IFT57: variants seen among roughly 807,000 people sequenced by gnomAD.
IFT57 encodes intraflagellar transport protein 57 homolog.
A neutral mutation model predicts 56.8 loss-of-function variants in IFT57; 59 were observed. That is an observed-to-expected ratio of 1.04 (90% confidence interval 0.84 to 1.29). The LOEUF is 1.29. Among genes scored for constraint, IFT57 ranks in the 50% most tolerant of loss-of-function variants. IFT57 has a pLI of 0.00. For synonymous variants in IFT57, 209 were observed against 186.1 expected (o/e 1.12, Z -1.00); for missense variants, 470 against 522.1 (o/e 0.90, Z 0.97).
chr3:108,217,821 T>C (rs1030865785), intron 3 of IFT57, among the ~76,000 whole-genome samples: 6 of 151,744 alleles, frequency 4.0e-5, no homozygotes, highest in Non-Finnish European at 7.4e-5. Flanking sequence ...AGCATAAAAT[T>C]TATGTTTTCT....
At chr3:108,194,512 A>C (rs1286811194) in intron 5 of IFT57, among the ~76,000 whole-genome samples, 1 of 152,192 alleles carries the variant, frequency 6.6e-6, no homozygotes, top group African/African-American at 2.4e-5. Flanking sequence ...AAGGAACTAC[A>C]AAAGACCCAG....
At chr3:108,184,134 T>C (rs761742191) in intron 6 of IFT57, among the ~76,000 whole-genome samples, 1 of 152,172 alleles carries the variant, frequency 6.6e-6, no homozygotes, top group Non-Finnish European at 1.5e-5. Context: ...CCATACTCAT[T>C]AGGTCATAAC....
At chr3:108,210,332 C>CCTTTTTT (rs1199933591) in intron 4 of IFT57, among the ~76,000 whole-genome samples, 6 of 108,022 alleles carry the variant, frequency 5.6e-5, no homozygotes, top group Non-Finnish European at 1.1e-4. Context: ...CAGAAATAAT[C>CCTTTTTT]TTTTTTTTTT....
intron 5 of IFT57, among the ~76,000 whole-genome samples, chr3:108,204,644 C>A (rs1576045978): frequency 6.6e-6 from 1 of 152,300 alleles, no homozygotes; most frequent in African/African-American, 2.4e-5. Flanking sequence ...AGCACTCGGT[C>A]ATCATCATCT....
chr3:108,193,772 T>A (rs1340463351), intron 5 of IFT57, among the ~76,000 whole-genome samples: 1 of 152,050 alleles, frequency 6.6e-6, no homozygotes, highest in Non-Finnish European at 1.5e-5. Flanking sequence ...CCTAAAGCAA[T>A]AGGGAAGGTT....
At position 108,183,253 on chromosome 3, in the gene IFT57, C is replaced by G. The variant is rs544657485; in HGVS notation, c.777+8268G>C. 3.9e-5 allele frequency among the ~76,000 whole-genome samples: 6 copies of G among 152,146 alleles called. No homozygotes were observed. In the East Asian group the frequency reaches 1.2e-3, roughly 29 times the overall value. ...ATTGATGACTTTAGAAGCCACTTTC[C>G]TTTGGGTCAATACATGAAGTTGAGA... On this transcript the variant is annotated intron_variant, in intron 6 of 10. Transcript: ENST00000264538.
intron 6 of IFT57, among the ~76,000 whole-genome samples, chr3:108,168,850 T>A (rs1241785051): frequency 6.6e-6 from 1 of 152,116 alleles, no homozygotes; most frequent in East Asian, 1.9e-4. Flanking sequence ...CTGCATGGTA[T>A]TCCACAGTGT....
At chr3:108,177,188 A>T (rs150163064) in intron 6 of IFT57, among the ~76,000 whole-genome samples, 120 of 151,986 alleles carry the variant, frequency 7.9e-4, no homozygotes, top group Non-Finnish European at 1.3e-3. Flanking sequence ...AATAAAAATG[A>T]ATTGAAAACA....
At chr3:108,183,421 C>G (rs1162997290) in intron 6 of IFT57, among the ~76,000 whole-genome samples, 1 of 152,160 alleles carries the variant, frequency 6.6e-6, no homozygotes, top group African/African-American at 2.4e-5. Context: ...TAATCAATGA[C>G]TGCTGGCTTC....
At chr3:108,166,741 G>T in intron 8 of IFT57, 113 bp downstream of exon 8, 2 of 856,618 alleles carry the variant, frequency 2.3e-6, no homozygotes, top group Non-Finnish European at 3.4e-6. Flanking sequence ...GAAAATTGAT[G>T]TTTTGCTGTT....
intron 4 of IFT57, among the ~76,000 whole-genome samples, chr3:108,210,330 A>ATTTTTTT (rs1560125468): frequency 1.3e-4 from 14 of 105,526 alleles, no homozygotes; most frequent in East Asian, 2.2e-4. Flanking sequence ...GTCAGAAATA[A>ATTTTTTT]TCTTTTTTTT....
chr3:108,217,801 C>A (rs2080381120), intron 3 of IFT57, among the ~76,000 whole-genome samples: 1 of 150,836 alleles, frequency 6.6e-6, no homozygotes, highest in Non-Finnish European at 1.5e-5. Context: ...TTAGTAATCC[C>A]AAACTGCAAA....
intron 6 of IFT57, among the ~76,000 whole-genome samples, chr3:108,190,242 T>G (rs1232289079): frequency 6.6e-6 from 1 of 152,190 alleles, no homozygotes; most frequent in Non-Finnish European, 1.5e-5. Flanking sequence ...TTTGGGGGAC[T>G]GTCAGGAAGG....
chr3:108,196,979 T>C (rs1351769750), intron 5 of IFT57, among the ~76,000 whole-genome samples: 1 of 152,206 alleles, frequency 6.6e-6, no homozygotes, highest in African/African-American at 2.4e-5. Context: ...CCCAATTGTT[T>C]TTCCATTTCA....
At chr3:108,173,977 T>C (rs968721954) in intron 6 of IFT57, among the ~76,000 whole-genome samples, 1 of 143,164 alleles carries the variant, frequency 7.0e-6, no homozygotes, top group East Asian at 2.1e-4. Flanking sequence ...TTAGTAAAAA[T>C]CAGTATTTGC....
chr3:108,174,728 T>C (rs1015853084), intron 6 of IFT57, among the ~76,000 whole-genome samples: 2 of 151,828 alleles, frequency 1.3e-5, no homozygotes, highest in East Asian at 3.9e-4. Flanking sequence ...GAAACATCCA[T>C]TCATCTGCTC....
chr3:108,179,008 C>A (rs957341758), intron 6 of IFT57, among the ~76,000 whole-genome samples: 7 of 151,688 alleles, frequency 4.6e-5, no homozygotes, highest in African/African-American at 1.7e-4. Flanking sequence ...GCATAATAGT[C>A]CCAAACTGGA....
At chr3:108,215,411 A>T (rs1218601393) in intron 3 of IFT57, among the ~76,000 whole-genome samples, 1 of 152,058 alleles carries the variant, frequency 6.6e-6, no homozygotes, top group African/African-American at 2.4e-5. Context: ...AAAAAATAAA[A>T]AATTAGCTGG....
At chr3:108,165,537 A>G (rs1490985775) in intron 8 of IFT57, 44 bp from the exon 9 acceptor site, 1 of 1,497,376 alleles carries the variant, frequency 6.7e-7, no homozygotes, top group African/African-American at 1.4e-5. Flanking sequence ...TCAAAGCAGC[A>G]GCAGATTAAA....
Sources: gnomAD v4.1 joint callset for allele counts (sites outside exome capture counted in the v4.1 genomes callset) on GRCh38, gnomAD v4.1.1 for gene constraint, MANE v1.5 for transcripts, NCBI Gene and HGNC (gene_info 2026-07-23, HGNC 2026-07-21) for gene names.